The following SH3KBP1 variants were observed in gnomAD, a reference collection of about 807,000 sequenced individuals.
SH3KBP1 encodes the protein SH3 domain-containing kinase-binding protein 1.
In SH3KBP1, 8 loss-of-function variants were observed where a neutral mutation model predicts 50.1. That is an observed-to-expected ratio of 0.16 (90% CI 0.09 to 0.29). The LOEUF (loss-of-function observed/expected upper bound fraction) is 0.29, where lower values mean the gene tolerates loss of function less well. Among genes scored for constraint, SH3KBP1 ranks in the 10% least tolerant of loss-of-function variants. The probability of loss-of-function intolerance (pLI) is 1.00; values close to 1 mark genes in which losing one functional copy is unlikely to be tolerated. For missense variants in SH3KBP1, 377 were observed against 535.2 expected, an observed-to-expected ratio of 0.70 and a Z score of 2.92; for synonymous variants, 227 against 218.6, an observed-to-expected ratio of 1.04 and a Z score of -0.34.
chrX:19,549,046 A>C (rs1418217926), intron 14 of SH3KBP1, among the ~76,000 whole-genome samples: 1 of 112,030 alleles, frequency 8.9e-6, no homozygotes, highest in Non-Finnish European at 1.9e-5. Context: ...AACTGGAAAC[A>C]ACATAAATGC....
chrX:19,718,861 AC>A (rs1260223518), intron 3 of SH3KBP1, among the ~76,000 whole-genome samples: 1 of 110,299 alleles, frequency 9.1e-6, no homozygotes, highest in Non-Finnish European at 1.9e-5. Context: ...CTGTTACAGA[AC>A]CCTGAGGAGG....
intron 1 of SH3KBP1, among the ~76,000 whole-genome samples, chrX:19,864,270 G>A (rs752409760): frequency 3.0e-4 from 33 of 111,695 alleles, no homozygotes; most frequent in Non-Finnish European, 4.5e-4. Context: ...TACCCGACAT[G>A]GAGATTTAGG....
chrX:19,694,970 G>A (rs2063381547), intron 5 of SH3KBP1: 1 of 1,173,597 alleles, frequency 8.5e-7, no homozygotes, highest in Non-Finnish European at 1.1e-6. Flanking sequence ...TAGTGACTGG[G>A]AGAACGAAGT....
intron 8 of SH3KBP1, among the ~76,000 whole-genome samples, chrX:19,623,109 C>T (rs1297747386): frequency 9.4e-6 from 1 of 106,678 alleles, no homozygotes; most frequent in Non-Finnish European, 1.9e-5. Flanking sequence ...ATTCAGGATG[C>T]TAAGGAATCA....
chrX:19,876,995 T>C (rs1365877933), intron 1 of SH3KBP1, among the ~76,000 whole-genome samples: 1 of 111,345 alleles, frequency 9.0e-6, no homozygotes, highest in African/African-American at 3.3e-5. Flanking sequence ...TACTTTCATT[T>C]GTTTCCTGAC....
At chrX:19,768,335 AC>A (rs2065683240) in intron 2 of SH3KBP1, among the ~76,000 whole-genome samples, 1 of 106,539 alleles carries the variant, frequency 9.4e-6, no homozygotes, top group African/African-American at 3.4e-5. Flanking sequence ...AAAAAAGCAC[AC>A]AGCAATATCT....
At chrX:19,878,505 T>TGTGTGTGTGTGTGTGTGAGAGAGAGA (rs1491094714) in intron 1 of SH3KBP1, among the ~76,000 whole-genome samples, 3 of 48,251 alleles carry the variant, frequency 6.2e-5, no homozygotes, top group African/African-American at 1.2e-4. Flanking sequence ...TGTGTGTGTG[T>TGTGTGTGTGTGTGTGTGAGAGAGAGA]GAGAGAGAGA....
At chrX:19,762,616 A>C (rs906985045) in intron 2 of SH3KBP1, among the ~76,000 whole-genome samples, 1 of 111,379 alleles carries the variant, frequency 9.0e-6, no homozygotes, top group African/African-American at 3.3e-5. Context: ...AAAAATTCCA[A>C]TTCCTTGAGT....
chrX:19,576,131 A>C (rs1027666983), intron 12 of SH3KBP1, among the ~76,000 whole-genome samples: 1 of 112,069 alleles, frequency 8.9e-6, no homozygotes, highest in African/African-American at 3.2e-5. Context: ...TGATTTTTAA[A>C]TCAAAGTAAT....
chrX:19,752,178 T>C (rs2065083442), intron 2 of SH3KBP1, among the ~76,000 whole-genome samples: 1 of 112,080 alleles, frequency 8.9e-6, no homozygotes, highest in Non-Finnish European at 1.9e-5. Context: ...GGCTTCACGA[T>C]GAATGGAGAA....
At chrX:19,643,322 ATTTTTTTT>A (rs1237715100) in intron 7 of SH3KBP1, among the ~76,000 whole-genome samples, 1 of 72,164 alleles carries the variant, frequency 1.4e-5, no homozygotes, top group Non-Finnish European at 2.5e-5. Context: ...TTTTTTTTTT[ATTTTTTTT>A]TTTTTTTGAG....
intron 3 of SH3KBP1, among the ~76,000 whole-genome samples, chrX:19,744,076 C>T (rs914079060): frequency 8.9e-6 from 1 of 111,984 alleles, no homozygotes; most frequent in African/African-American, 3.2e-5. Context: ...CTAATAGCCA[C>T]AACAACAGTA....
In SH3KBP1 at chrX:19,625,658, T is replaced by C. The variant is rs780819124; in HGVS notation, c.897+6206A>G. The stretch of plus-strand genomic sequence containing the variant: ...GCATCAGCAACAAAGGATGGGGTGA[T>C]GGCATGGTAATACTGTTTTTCTGCT... On this transcript the variant is annotated intron_variant, in intron 8 of 17. Transcript: ENST00000397821. 3.4e-4 allele frequency among the ~76,000 whole-genome samples: 38 copies of C among 112,086 alleles called. No individual in the cohort carries two copies. The South Asian group carries it at 0.014, about 41-fold the overall frequency.
chrX:19,690,298 T>A (rs1389761841), intron 5 of SH3KBP1, among the ~76,000 whole-genome samples: 1 of 111,031 alleles, frequency 9.0e-6, no homozygotes, highest in Non-Finnish European at 1.9e-5. Context: ...GTTCAAGTGA[T>A]CCTCCCACCT....
At chrX:19,728,296 G>C (rs1189516718) in intron 3 of SH3KBP1, among the ~76,000 whole-genome samples, 1 of 111,443 alleles carries the variant, frequency 9.0e-6, no homozygotes, top group Non-Finnish European at 1.9e-5. Flanking sequence ...CACATAAAAA[G>C]TTTCAGATTT....
chrX:19,848,768 TATTG>T (rs200893302), intron 1 of SH3KBP1, among the ~76,000 whole-genome samples: 8 of 109,917 alleles, frequency 7.3e-5, no homozygotes, highest in African/African-American at 1.3e-4. Context: ...CAGCTGTGGA[TATTG>T]ATTGATTGAT....
At chrX:19,568,855 T>C (rs907129104) in intron 13 of SH3KBP1, among the ~76,000 whole-genome samples, 1 of 112,895 alleles carries the variant, frequency 8.9e-6, no homozygotes, top group Non-Finnish European at 1.9e-5. Flanking sequence ...TTATTCATCA[T>C]TTCTTTTCAT....
chrX:19,763,519 T>G (rs1355052589), intron 2 of SH3KBP1, among the ~76,000 whole-genome samples: 1 of 112,296 alleles, frequency 8.9e-6, no homozygotes, highest in Non-Finnish European at 1.9e-5. Context: ...TTCTAATAGC[T>G]CTCTGTATAT....
intron 3 of SH3KBP1, among the ~76,000 whole-genome samples, chrX:19,724,796 T>C (rs1044461699): frequency 8.9e-6 from 1 of 112,401 alleles, no homozygotes; most frequent in African/African-American, 3.2e-5. Context: ...TCAGCTTACA[T>C]GTGACCCCCT....
Sources: gnomAD v4.1 joint callset for allele counts (sites outside exome capture counted in the v4.1 genomes callset) on GRCh38, gnomAD v4.1.1 for gene constraint, MANE v1.5 for transcripts, NCBI Gene and HGNC (gene_info 2026-07-23, HGNC 2026-07-21) for gene names.